The following PNPT1 variants were observed in gnomAD, a reference collection of about 807,000 sequenced individuals.
PNPT1 encodes the protein polyribonucleotide nucleotidyltransferase 1, mitochondrial.
A neutral mutation model predicts 119.5 loss-of-function variants in PNPT1; 53 were observed. That is an observed-to-expected ratio of 0.44 (90% CI 0.36 to 0.56). The LOEUF is 0.56. Ranked by LOEUF, PNPT1 falls within the 20% of genes least tolerant of loss-of-function variation. The pLI, the probability that PNPT1 is intolerant of heterozygous loss-of-function variation, is 0.00. For synonymous variants in PNPT1, 357 were observed against 322.1 expected (o/e 1.11, Z -1.16); for missense variants, 948 against 938.5 (o/e 1.01, Z -0.13).
In PNPT1 at chr2:55,683,817, G is replaced by T; in HGVS notation, c.421C>A (p.Leu141Ile). 6.2e-7 allele frequency: 1 copy of T among 1,613,640 alleles called. No individual in the cohort carries two copies. The highest frequency in any genetic ancestry group is 1.3e-5 in the African/African-American group (1 of 74,964). ...TCATAGAAGTAGCCAGCTGGAAAGA[G>T]CGGTCTAATTGAACGATCTGCCAAA... ...SRIIDRSIRP[L>I]FPAGYFYDTQ... The change falls in exon 5 of 28, where the codon CTC (leucine) becomes ATC (isoleucine). Residue 141 changes from leucine (L) to isoleucine (I), a missense_variant. Leu to Ile is a conservative substitution (Grantham distance 5). Transcript: ENST00000447944.
At chr2:55,687,532 A>C (rs1235386704) in intron 2 of PNPT1, 113 bp downstream of exon 2, 1 of 753,622 alleles carries the variant, frequency 1.3e-6, no homozygotes. Flanking sequence ...GTAGTATCTG[A>C]ATTAATTTCC....
At chr2:55,685,931 G>A (rs1212354081) in intron 3 of PNPT1, among the ~76,000 whole-genome samples, 4 of 152,108 alleles carry the variant, frequency 2.6e-5, no homozygotes. Context: ...GTATTGCGTA[G>A]GGAATGACAA....
intron 19 of PNPT1, 84 bp from the exon 20 acceptor site, chr2:55,646,570 G>A: frequency 9.2e-7 from 1 of 1,081,274 alleles, no homozygotes. Context: ...TCAAAAAACA[G>A]CTTTAGAAGT....
rs1158487048 is a variant in PNPT1, at chr2:55,667,074, T to C, written c.1093A>G (p.Thr365Ala). The C allele has an allele frequency of 6.2e-7, 1 of 1,612,390 alleles. No individual in the cohort carries two copies. The highest frequency in any genetic ancestry group is 1.1e-5 in the South Asian group (1 of 90,860). Residue 365 changes from threonine (T) to alanine (A), a missense_variant, in exon 13 of 28, where the codon ACT (threonine) becomes GCT (alanine). Thr to Ala is a moderately conservative substitution (Grantham distance 58). Coordinates refer to ENST00000447944, the MANE Select transcript of PNPT1 (RefSeq NM_033109.5). Reference sequence around the variant, plus strand: ...TCACAACTTACATTCCTAAGTGAAGTCAAATCCCGACCATCGCACCTATAG... The same window carrying C: ...TCACAACTTACATTCCTAAGTGAAGCCAAATCCCGACCATCGCACCTATAG... ...EYKRCDGRDL[T>A]SLRNVSCEVD...
chr2:55,641,254 C>T (rs1695826125), intron 25 of PNPT1, among the ~76,000 whole-genome samples: 1 of 148,468 alleles, frequency 6.7e-6, no homozygotes, highest in Non-Finnish European at 1.5e-5. Flanking sequence ...ATATGTTCTT[C>T]TGTATTTCTC....
chr2:55,667,591 A>C (rs1041706827), intron 12 of PNPT1, among the ~76,000 whole-genome samples: 7 of 151,948 alleles, frequency 4.6e-5, no homozygotes, highest in African/African-American at 1.5e-4. Context: ...GTCTCAAAAA[A>C]AAAAAACAAA....
At chr2:55,677,512 T>C (rs1041408751) in intron 8 of PNPT1, among the ~76,000 whole-genome samples, 2 of 141,056 alleles carry the variant, frequency 1.4e-5, no homozygotes, top group East Asian at 2.2e-4. Flanking sequence ...GAGAATCACT[T>C]GAACCTGGGA....
chr2:55,661,009 C>G (rs576468892), intron 14 of PNPT1, among the ~76,000 whole-genome samples: 3 of 151,356 alleles, frequency 2.0e-5, no homozygotes, highest in Non-Finnish European at 4.4e-5. Flanking sequence ...AGTAGCCCTA[C>G]TAGGCACTGA....
chr2:55,691,219 G>A (rs1324883838), intron 1 of PNPT1, among the ~76,000 whole-genome samples: 1 of 152,176 alleles, frequency 6.6e-6, no homozygotes, highest in African/African-American at 2.4e-5. Context: ...ATATTCTGTT[G>A]AATATCCTCA....
At chr2:55,644,565 C>G (rs1695928840) in intron 23 of PNPT1, 72 bp downstream of exon 23, 1 of 1,085,020 alleles carries the variant, frequency 9.2e-7, no homozygotes, top group Non-Finnish European at 1.4e-6. Flanking sequence ...AAGCAACATA[C>G]TAGAGATGAA....
chr2:55,652,938 C>G (rs1416769424), intron 18 of PNPT1, among the ~76,000 whole-genome samples: 2 of 152,232 alleles, frequency 1.3e-5, no homozygotes, highest in Admixed American at 6.5e-5. Context: ...GCCTCCGCCT[C>G]CTGGGTTAAA....
At chr2:55,650,983 G>A (rs1258272093) in intron 18 of PNPT1, among the ~76,000 whole-genome samples, 2 of 147,798 alleles carry the variant, frequency 1.4e-5, no homozygotes, top group South Asian at 2.2e-4. Flanking sequence ...CGCCCCGTCC[G>A]GGAGGTGAGG....
At chr2:55,676,542 T>C (rs927257563) in intron 8 of PNPT1, among the ~76,000 whole-genome samples, 3 of 152,148 alleles carry the variant, frequency 2.0e-5, no homozygotes, top group African/African-American at 7.2e-5. Context: ...GTAACTATTC[T>C]TGCCGTGTAA....
intron 1 of PNPT1, among the ~76,000 whole-genome samples, chr2:55,692,750 C>G (rs1211049336): frequency 6.6e-6 from 1 of 152,102 alleles, no homozygotes; most frequent in Non-Finnish European, 1.5e-5. Context: ...CTGACTTTTC[C>G]TTTTCCTCCT....
intron 19 of PNPT1, 95 bp downstream of exon 19, chr2:55,647,250 CAT>C: frequency 1.0e-6 from 1 of 987,710 alleles, no homozygotes; most frequent in Non-Finnish European, 1.5e-6. Context: ...GTGCAAAGTA[CAT>C]ATAGTCTTCA....
Position 55,637,603 on chromosome 2 carries a change from G to A in PNPT1, c.2149-4C>T, listed in dbSNP as rs1559083912. 3.2e-6 allele frequency: 5 copies of A among 1,573,768 alleles called. No individual in the cohort carries two copies. The highest frequency in any genetic ancestry group is 2.7e-5 in the African/African-American group (2 of 73,398). On this transcript the variant is annotated splice_region_variant and splice_polypyrimidine_tract_variant and intron_variant, in intron 26 of 27. Coordinates refer to ENST00000447944, the MANE Select transcript of PNPT1 (RefSeq NM_033109.5). ...CTAGGGCAGTAGGATGTTTAATCTG[G>A]AAAAAAAAATGTTAATCTATTAGTT... is the stretch of plus-strand genomic sequence containing the variant.
chr2:55,683,905 A>C (rs1697321498), intron 4 of PNPT1, 71 bp from the exon 5 acceptor site: 1 of 1,394,534 alleles, frequency 7.2e-7, no homozygotes, highest in African/African-American at 1.4e-5. Context: ...CGTTTGAACT[A>C]ATATAGATAG....
chr2:55,634,175 A>G lies in PNPT1; in HGVS notation c.*2062T>C, dbSNP rs938208430. ...TTTACACACAATAGATATATAATCAATGTTTATTGACTTAAAAATCTTTGG... is the reference window on the plus strand; with the variant it reads ...TTTACACACAATAGATATATAATCAGTGTTTATTGACTTAAAAATCTTTGG... On this transcript the variant is annotated 3_prime_UTR_variant, in exon 28 of 28. Coordinates refer to ENST00000447944, the MANE Select transcript of PNPT1 (RefSeq NM_033109.5). 1.3e-5 allele frequency: 2 copies of G among 152,184 alleles called. No individual in the cohort carries two copies. The highest frequency in any genetic ancestry group is 2.9e-5 in the Non-Finnish European group (2 of 68,036). The allele number at this position is 152,184 out of a possible 1,614,324, so 9.4% of individuals were successfully genotyped here.
chr2:55,647,157 G>C lies in PNPT1; in HGVS notation c.1602+190C>G, dbSNP rs573717026. Among the ~76,000 whole-genome samples the C allele has an allele frequency of 4.3e-4, 66 of 152,122 alleles. 2 individuals carry two copies. The South Asian group carries it at 0.013, about 31-fold the overall frequency. On this transcript the variant is annotated intron_variant, in intron 19 of 27. Transcript: ENST00000447944. ...TCTATTTTAAATTCATATCCTATAA[G>C]ATACAAGGTGAACATGCAGAGGAGG...
Sources: allele counts gnomAD v4.1 joint callset (sites outside exome capture counted in the v4.1 genomes callset), GRCh38; gene constraint gnomAD v4.1.1; transcripts MANE v1.5; gene names NCBI Gene and HGNC (gene_info 2026-07-23, HGNC 2026-07-21).